MYH10: variants seen among roughly 807,000 people sequenced by gnomAD.
The protein encoded by MYH10 is myosin-10.
A neutral mutation model predicts 257.8 loss-of-function variants in MYH10; 55 were observed. That is an observed-to-expected ratio of 0.21 (90% CI 0.17 to 0.27). The LOEUF is 0.27. MYH10 is among the 10% of genes least tolerant of loss of function. MYH10 has a pLI of 1.00. For synonymous variants in MYH10, 854 were observed against 921.7 expected, an observed-to-expected ratio of 0.93 and a Z score of 1.33; for missense variants, 1,631 against 2,500.6, an observed-to-expected ratio of 0.65 and a Z score of 7.42.
intron 16 of MYH10, among the ~76,000 whole-genome samples, chr17:8,533,787 A>T (rs1267436229): frequency 6.6e-6 from 1 of 152,128 alleles, no homozygotes; most frequent in Non-Finnish European, 1.5e-5. Flanking sequence ...CACTTTGCAT[A>T]CTGATCTCAT....
At chr17:8,520,857 A>G (rs2081630296) in intron 19 of MYH10, 21 bp downstream of exon 19, 1 of 1,582,480 alleles carries the variant, frequency 6.3e-7, no homozygotes, top group Admixed American at 1.9e-5. Flanking sequence ...CATAAGCAAA[A>G]AAAGTAAAAG....
At chr17:8,493,931 CA>C (rs775578135) in intron 31 of MYH10, 46 bp from the exon 32 acceptor site, 1 of 1,566,538 alleles carries the variant, frequency 6.4e-7, no homozygotes, top group Non-Finnish European at 8.6e-7. Flanking sequence ...CATTTATCAC[CA>C]AAACAAATAC....
intron 2 of MYH10, among the ~76,000 whole-genome samples, chr17:8,617,891 A>G (rs988994992): frequency 2.0e-5 from 3 of 152,240 alleles, no homozygotes; most frequent in African/African-American, 7.2e-5. Flanking sequence ...TATAAAATAT[A>G]AAGTTTTATA....
chr17:8,474,872 C>G lies in MYH10; in HGVS notation c.*932G>C, dbSNP rs934349544. ...ACAAACTTGGAACAAGCCTCGGACA[C>G]AAAACCAATATTCCCATTTTGGGCT... On this transcript the variant is annotated 3_prime_UTR_variant, in exon 43 of 43. Coordinates refer to ENST00000360416, the MANE Select transcript of MYH10 (RefSeq NM_001256012.3). 6 of 152,642 alleles carry G rather than the reference C, an allele frequency of 3.9e-5. No homozygotes were observed. The highest frequency in any genetic ancestry group is 1.4e-4 in the African/African-American group (6 of 41,434). 9.5% of individuals were successfully genotyped at this position (152,642 alleles called of 1,614,324 possible).
In MYH10 at chr17:8,598,574, A is replaced by T. The variant is rs371928792; in HGVS notation, c.502+6252T>A. ...ATAAATTAGCAAAAAATTGTCTATT[A>T]TCTATTTTGCTGAATACAAACTTTA... On this transcript the variant is annotated intron_variant, in intron 3 of 42. Coordinates refer to ENST00000360416, the MANE Select transcript of MYH10 (RefSeq NM_001256012.3). 1.0e-3 allele frequency among the ~76,000 whole-genome samples: 156 copies of T among 152,338 alleles called. 1 individual carries two copies. The highest frequency in any genetic ancestry group is 3.2e-3 in the African/African-American group (133 of 41,586).
chr17:8,614,685 A>C (rs576103986), intron 2 of MYH10, among the ~76,000 whole-genome samples: 1 of 152,168 alleles, frequency 6.6e-6, no homozygotes, highest in South Asian at 2.1e-4. Context: ...ACTGAATGCT[A>C]ATAAAAATGC....
At chr17:8,480,680 G>T in intron 38 of MYH10, 155 bp from the exon 39 acceptor site, 1 of 957,024 alleles carries the variant, frequency 1.0e-6, no homozygotes, top group South Asian at 1.4e-5. Context: ...CCATCAGTAG[G>T]TCCCACTGAT....
chr17:8,491,285 T>C (rs1915737131), intron 34 of MYH10, among the ~76,000 whole-genome samples: 1 of 152,222 alleles, frequency 6.6e-6, no homozygotes, highest in Non-Finnish European at 1.5e-5. Flanking sequence ...ACAAAAGACC[T>C]GTTTGTGGGA....
At chr17:8,604,010 A>G (rs777163148) in intron 3 of MYH10, among the ~76,000 whole-genome samples, 44 of 152,160 alleles carry the variant, frequency 2.9e-4, no homozygotes, top group Admixed American at 7.2e-4. Context: ...CTGATCACCA[A>G]AAAGAACTTG....
At chr17:8,597,620 A>ATTTT (rs5819201) in intron 3 of MYH10, among the ~76,000 whole-genome samples, 4 of 145,790 alleles carry the variant, frequency 2.7e-5, no homozygotes, top group Non-Finnish European at 4.5e-5. Flanking sequence ...TAGTTTACTC[A>ATTTT]TTTTTTTTTT....
At chr17:8,626,669 A>T (rs2085695131) in intron 1 of MYH10, among the ~76,000 whole-genome samples, 1 of 151,332 alleles carries the variant, frequency 6.6e-6, no homozygotes, top group Non-Finnish European at 1.5e-5. Flanking sequence ...GGTGGGAAAC[A>T]TCACAGGTAA....
intron 38 of MYH10, 111 bp downstream of exon 38, chr17:8,481,211 C>T (rs958251119): frequency 1.4e-5 from 15 of 1,061,382 alleles, no homozygotes; most frequent in South Asian, 5.6e-5. Flanking sequence ...CCAGGCCCAG[C>T]GAGGGAGGAG....
chr17:8,629,789 G>A (rs1031232277), intron 1 of MYH10, among the ~76,000 whole-genome samples: 2 of 151,244 alleles, frequency 1.3e-5, no homozygotes, highest in African/African-American at 4.9e-5. Flanking sequence ...CACATTTCCC[G>A]CCTCGCCCCC....
chr17:8,516,763 C>G (rs2081481225), intron 21 of MYH10, among the ~76,000 whole-genome samples: 1 of 152,216 alleles, frequency 6.6e-6, no homozygotes, highest in Non-Finnish European at 1.5e-5. Flanking sequence ...GTTAGGCATT[C>G]TGCAGTTCAG....
At chr17:8,489,897 T>A (rs1915507486) in intron 35 of MYH10, among the ~76,000 whole-genome samples, 1 of 152,222 alleles carries the variant, frequency 6.6e-6, no homozygotes, top group African/African-American at 2.4e-5. Flanking sequence ...TATACATGGA[T>A]AGCAACTTTA....
At chr17:8,626,568 A>AAAT (rs1205552958) in intron 1 of MYH10, among the ~76,000 whole-genome samples, 323 of 89,250 alleles carry the variant, frequency 3.6e-3, no homozygotes, top group African/African-American at 0.014. Flanking sequence ...CTCTGTCTCA[A>AAAT]AATAATAATA....
At chr17:8,560,529 C>A in intron 7 of MYH10, 2 of 625,054 alleles carry the variant, frequency 3.2e-6, no homozygotes, top group African/African-American at 1.8e-5. Flanking sequence ...TTGGCCCATG[C>A]AGCTCCTTCG....
chr17:8,603,650 T>C (rs2084691926), intron 3 of MYH10, among the ~76,000 whole-genome samples: 1 of 152,298 alleles, frequency 6.6e-6, no homozygotes, highest in South Asian at 2.1e-4. Flanking sequence ...CTAAAGATCA[T>C]TCTTCTTAAC....
intron 17 of MYH10, among the ~76,000 whole-genome samples, chr17:8,528,712 T>A (rs185355755): frequency 2.9e-4 from 44 of 152,322 alleles, no homozygotes; most frequent in Admixed American, 2.5e-3. Flanking sequence ...AACTCCTTCA[T>A]CCATTGTCTT....
Sources: allele counts gnomAD v4.1 joint callset (sites outside exome capture counted in the v4.1 genomes callset), GRCh38; gene constraint gnomAD v4.1.1; transcripts MANE v1.5; gene names NCBI Gene and HGNC (gene_info 2026-07-23, HGNC 2026-07-21).